The following FRMD4A variants were observed in gnomAD, a reference collection of about 807,000 sequenced individuals.
FRMD4A encodes FERM domain-containing protein 4A.
In FRMD4A, 29 loss-of-function variants were observed where a neutral mutation model predicts 129.1. The observed-to-expected ratio is 0.22, with a 90% CI of 0.17 to 0.31. The LOEUF (loss-of-function observed/expected upper bound fraction) is 0.31. Ranked by LOEUF, FRMD4A falls within the 10% of genes least tolerant of loss-of-function variation. The probability of loss-of-function intolerance (pLI) is 1.00; values close to 1 mark genes in which losing one functional copy is unlikely to be tolerated. For synonymous variants in FRMD4A, 634 were observed against 571.6 expected (o/e 1.11, Z -1.56); for missense variants, 1,272 against 1,375.8 (o/e 0.92, Z 1.19).
intron 2 of FRMD4A, among the ~76,000 whole-genome samples, chr10:14,234,941 T>C (rs1843752096): frequency 6.6e-6 from 1 of 152,212 alleles, no homozygotes. Flanking sequence ...GGCTCCAAGC[T>C]CTGACTTTCA....
At chr10:13,990,099 T>G (rs2457859) in intron 2 of FRMD4A, among the ~76,000 whole-genome samples, 77,475 of 152,082 alleles carry the variant, frequency 0.51, 21,778 homozygotes, top group East Asian at 0.93. Context: ...CCTGGACAAA[T>G]GACTTAATCT....
At chr10:14,130,920 G>A (rs1839214201) in intron 2 of FRMD4A, among the ~76,000 whole-genome samples, 1 of 152,202 alleles carries the variant, frequency 6.6e-6, no homozygotes, top group Non-Finnish European at 1.5e-5. Context: ...GATTCAAATT[G>A]TAGCCCAAGT....
At chr10:14,182,999 G>T (rs112383648) in intron 2 of FRMD4A, among the ~76,000 whole-genome samples, 1 of 152,128 alleles carries the variant, frequency 6.6e-6, no homozygotes, top group Non-Finnish European at 1.5e-5. Context: ...TGGGGCTGTC[G>T]TAAGCAGGAT....
At chr10:13,789,341 C>T (rs553051872) in intron 5 of FRMD4A, among the ~76,000 whole-genome samples, 2 of 152,190 alleles carry the variant, frequency 1.3e-5, no homozygotes, top group Non-Finnish European at 2.9e-5. Flanking sequence ...TCCTTCCTCC[C>T]CGATCGGACT....
chr10:13,686,664 T>G lies in FRMD4A; in HGVS notation c.1117+7234A>C, dbSNP rs111627238. Among the ~76,000 whole-genome samples the G allele has an allele frequency of 5.2e-3, 789 of 152,330 alleles. 2 individuals carry two copies. The highest frequency in any genetic ancestry group is 0.018 in the African/African-American group (763 of 41,562). On this transcript the variant is annotated intron_variant, in intron 15 of 24. Coordinates refer to ENST00000357447, the MANE Select transcript of FRMD4A (RefSeq NM_018027.5). The stretch of plus-strand genomic sequence containing the variant: ...TTAAACCCAAGATCCATCACCAGAT[T>G]CTTCGCAATCTTGCTGATCACACTG...
At chr10:13,895,205 A>G (rs968459795) in intron 2 of FRMD4A, among the ~76,000 whole-genome samples, 1 of 152,144 alleles carries the variant, frequency 6.6e-6, no homozygotes, top group African/African-American at 2.4e-5. Context: ...CCTATTACCC[A>G]TTAGTTATTT....
At chr10:14,329,386 T>C (rs1451603775) in intron 2 of FRMD4A, among the ~76,000 whole-genome samples, 3 of 152,212 alleles carry the variant, frequency 2.0e-5, no homozygotes, top group African/African-American at 7.2e-5. Flanking sequence ...ACAGTGCCCA[T>C]GTCCTTGTGT....
chr10:13,714,051 T>C lies in FRMD4A; in HGVS notation c.760-6938A>G, dbSNP rs372129775. Among the ~76,000 whole-genome samples the C allele has an allele frequency of 1.0e-3, 15 of 15,032 alleles. 2 individuals carry two copies. The highest frequency in any genetic ancestry group is 2.4e-3 in the African/African-American group (10 of 4,212). 9.9% of individuals were successfully genotyped at this position (15,032 alleles called of 152,430 possible). ...ACATATATATATATATATATATATATATATATATAAAATATACTTTTTTTT... is the reference window on the plus strand; with the variant it reads ...ACATATATATATATATATATATATACATATATATAAAATATACTTTTTTTT... On this transcript the variant is annotated intron_variant, in intron 12 of 24. Coordinates refer to ENST00000357447, the MANE Select transcript of FRMD4A (RefSeq NM_018027.5).
intron 15 of FRMD4A, 45 bp downstream of exon 15, chr10:13,693,853 C>T (rs1195508526): frequency 1.2e-6 from 2 of 1,602,924 alleles, no homozygotes; most frequent in East Asian, 2.2e-5. Context: ...CCTCTGGGGT[C>T]CCAGCCATGC....
rs151298019 is a variant in FRMD4A, at chr10:14,258,641, T to C, written c.45+71417A>G. ...ACAGTAACATTGGAAAACAGTTGGG[T>C]AGATGACCCAATCATTTTATACCTA... On this transcript the variant is annotated intron_variant, in intron 2 of 24. Transcript: ENST00000357447. 7.9e-5 allele frequency among the ~76,000 whole-genome samples: 12 copies of C among 152,292 alleles called. No homozygotes were observed. In the East Asian group the frequency reaches 1.9e-3, roughly 24 times the overall value.
At chr10:13,964,222 CAAAA>C (rs2131367285) in intron 2 of FRMD4A, among the ~76,000 whole-genome samples, 1 of 151,408 alleles carries the variant, frequency 6.6e-6, no homozygotes, top group East Asian at 1.9e-4. Context: ...AAAACCAAAA[CAAAA>C]AACATCAAAC....
intron 4 of FRMD4A, among the ~76,000 whole-genome samples, chr10:13,797,912 G>A (rs1331710955): frequency 5.7e-5 from 7 of 121,840 alleles, no homozygotes; most frequent in African/African-American, 1.2e-4. Flanking sequence ...TGCACCTTTC[G>A]CACAAGAAAA....
intron 24 of FRMD4A, among the ~76,000 whole-genome samples, chr10:13,650,193 G>A (rs1287116616): frequency 1.3e-5 from 2 of 152,174 alleles, no homozygotes; most frequent in Non-Finnish European, 2.9e-5. Context: ...CTGCTGGGAG[G>A]GAGGAATTTC....
chr10:13,832,159 C>CG (rs58215787), intron 3 of FRMD4A, among the ~76,000 whole-genome samples: 20,713 of 151,910 alleles, frequency 0.14, 1,930 homozygotes, highest in African/African-American at 0.23. Flanking sequence ...CCCAGCTCAC[C>CG]GGGGGTGAAC....
At chr10:14,110,557 C>A (rs1045409031) in intron 2 of FRMD4A, among the ~76,000 whole-genome samples, 13 of 152,016 alleles carry the variant, frequency 8.6e-5, no homozygotes, top group Non-Finnish European at 1.9e-4. Flanking sequence ...TTTATTGAGA[C>A]GGCAAGACTG....
chr10:14,285,011 A>G (rs749452435), intron 2 of FRMD4A, among the ~76,000 whole-genome samples: 25 of 152,242 alleles, frequency 1.6e-4, no homozygotes, highest in Non-Finnish European at 3.4e-4. Context: ...ATACGAAGAA[A>G]GTATACAGCC....
intron 6 of FRMD4A, among the ~76,000 whole-genome samples, chr10:13,773,589 A>C (rs752980336): frequency 6.6e-6 from 1 of 152,234 alleles, no homozygotes; most frequent in Non-Finnish European, 1.5e-5. Flanking sequence ...TTATAGCTGT[A>C]AGATGTATAA....
chr10:13,935,221 T>C (rs1459620913), intron 2 of FRMD4A, among the ~76,000 whole-genome samples: 1 of 152,068 alleles, frequency 6.6e-6, no homozygotes, highest in East Asian at 1.9e-4. Context: ...GCGGATCACC[T>C]GAGGTCAGGA....
At chr10:13,767,079 A>G (rs1004447282) in intron 6 of FRMD4A, among the ~76,000 whole-genome samples, 2 of 152,186 alleles carry the variant, frequency 1.3e-5, no homozygotes, top group Non-Finnish European at 2.9e-5. Context: ...CTCAAAAGAC[A>G]AAACGAAACG....
Sources: allele counts gnomAD v4.1 joint callset (sites outside exome capture counted in the v4.1 genomes callset), GRCh38; gene constraint gnomAD v4.1.1; transcripts MANE v1.5; gene names NCBI Gene and HGNC (gene_info 2026-07-23, HGNC 2026-07-21).